ADAMTSL1: variants seen among roughly 807,000 people sequenced by gnomAD.
ADAMTSL1 encodes ADAMTS-like protein 1.
Under a neutral mutation model 201.8 loss-of-function variants are expected in ADAMTSL1, and 126 were observed. The observed-to-expected ratio is 0.62, with a 90% CI of 0.54 to 0.72. The LOEUF (loss-of-function observed/expected upper bound fraction) is 0.72. Among genes scored for constraint, ADAMTSL1 ranks in the 30% least tolerant of loss-of-function variants. The pLI, the probability that ADAMTSL1 is intolerant of heterozygous loss-of-function variation, is 0.00. For missense variants in ADAMTSL1, 2,679 were observed against 2,277.8 expected (o/e 1.18, Z -3.59); for synonymous variants, 1,121 against 903.4 (o/e 1.24, Z -4.32).
At chr9:18,424,301 G>C (rs536534588) in intron 2 of ADAMTSL1, among the ~76,000 whole-genome samples, 31 of 152,296 alleles carry the variant, frequency 2.0e-4, no homozygotes, top group African/African-American at 7.5e-4. Flanking sequence ...TGCTGTAAGA[G>C]AAGTTGTGCA....
At chr9:18,840,179 T>G (rs1340914115) in intron 23 of ADAMTSL1, among the ~76,000 whole-genome samples, 6 of 151,524 alleles carry the variant, frequency 4.0e-5, no homozygotes, top group East Asian at 3.9e-4. Flanking sequence ...GTCTAACGTT[T>G]AAGTCTTTAA....
rs569614350 is a variant in ADAMTSL1, at chr9:18,080,530, G to A, written c.88-83332G>A. 5.3e-5 allele frequency among the ~76,000 whole-genome samples: 8 copies of A among 152,262 alleles called. No individual in the cohort carries two copies. In the South Asian group the frequency reaches 1.2e-3, roughly 24 times the overall value. On this transcript the variant is annotated intron_variant, in intron 1 of 29. Coordinates refer to the ADAMTSL1 transcript ENST00000680146. ...AGCAGCCAGGAAACCAGATTATTAC[G>A]TATTATGTTGTCTCTACAAAAAACT...
chr9:18,603,126 C>G (rs1824767946), intron 4 of ADAMTSL1, among the ~76,000 whole-genome samples: 1 of 152,124 alleles, frequency 6.6e-6, no homozygotes. Context: ...TTGTTGTAAT[C>G]ATTAATAGTA....
intron 22 of ADAMTSL1, 123 bp downstream of exon 22, chr9:18,826,586 C>G: frequency 8.6e-7 from 1 of 1,167,382 alleles, no homozygotes; most frequent in East Asian, 2.6e-5. Context: ...GATATCCCTT[C>G]ACTTCTTCCC....
intron 2 of ADAMTSL1, among the ~76,000 whole-genome samples, chr9:18,323,115 G>A (rs991451948): frequency 6.6e-6 from 1 of 152,080 alleles, no homozygotes; most frequent in African/African-American, 2.4e-5. Context: ...ACTGTATCTC[G>A]TAAATGTTTG....
At chr9:18,375,869 G>C (rs1837271041) in intron 2 of ADAMTSL1, among the ~76,000 whole-genome samples, 1 of 152,192 alleles carries the variant, frequency 6.6e-6, no homozygotes, top group African/African-American at 2.4e-5. Context: ...CTGCTGATTG[G>C]TCCATTTTAC....
intron 2 of ADAMTSL1, among the ~76,000 whole-genome samples, chr9:18,301,063 A>T (rs1039910521): frequency 6.6e-6 from 1 of 152,362 alleles, no homozygotes; most frequent in Admixed American, 6.5e-5. Flanking sequence ...AATACTATTT[A>T]TATAGCCATA....
chr9:18,046,145 A>C (rs1821648859), intron 1 of ADAMTSL1, among the ~76,000 whole-genome samples: 1 of 152,194 alleles, frequency 6.6e-6, no homozygotes, highest in African/African-American at 2.4e-5. Flanking sequence ...CTAAATTGTG[A>C]GAGGCATATA....
intron 5 of ADAMTSL1, among the ~76,000 whole-genome samples, chr9:18,623,147 C>T (rs780467348): frequency 3.9e-5 from 6 of 152,008 alleles, no homozygotes; most frequent in Non-Finnish European, 7.4e-5. Context: ...CCACCCGCCT[C>T]AGCCCCCCAA....
intron 1 of ADAMTSL1, among the ~76,000 whole-genome samples, chr9:17,935,678 C>G (rs571672694): frequency 6.6e-6 from 1 of 152,200 alleles, no homozygotes; most frequent in Non-Finnish European, 1.5e-5. Context: ...CTCTCACACC[C>G]CTTGCCTGAT....
At chr9:17,982,945 G>GA (rs1818770509) in intron 1 of ADAMTSL1, among the ~76,000 whole-genome samples, 3 of 149,300 alleles carry the variant, frequency 2.0e-5, no homozygotes, top group African/African-American at 4.9e-5. Context: ...TGAACAGCTT[G>GA]GAAAAAAAAA....
intron 1 of ADAMTSL1, among the ~76,000 whole-genome samples, chr9:17,968,490 C>G (rs912756450): frequency 2.0e-5 from 3 of 152,084 alleles, no homozygotes; most frequent in African/African-American, 7.2e-5. Flanking sequence ...GAAATTATAA[C>G]CCCACTATTC....
At chr9:18,398,300 A>G (rs1278562689) in intron 2 of ADAMTSL1, among the ~76,000 whole-genome samples, 1 of 152,182 alleles carries the variant, frequency 6.6e-6, no homozygotes, top group East Asian at 1.9e-4. Flanking sequence ...AAATAGAAGT[A>G]TGAGGTCATA....
chr9:18,504,977 G>T, intron 2 of ADAMTSL1, 21 bp downstream of exon 2: 1 of 1,591,078 alleles, frequency 6.3e-7, no homozygotes, highest in Non-Finnish European at 8.5e-7. Context: ...CACCCGTTGG[G>T]GGTCTTTGTG....
intron 26 of ADAMTSL1, among the ~76,000 whole-genome samples, chr9:18,904,161 T>C (rs1439353143): frequency 1.3e-5 from 2 of 152,100 alleles, no homozygotes; most frequent in East Asian, 3.9e-4. Context: ...ATGCACACTG[T>C]ACTGCACAAT....
chr9:18,224,686 G>C (rs1830381285), intron 2 of ADAMTSL1, among the ~76,000 whole-genome samples: 1 of 152,072 alleles, frequency 6.6e-6, no homozygotes, highest in Non-Finnish European at 1.5e-5. Context: ...TAGGCCACAG[G>C]TAGCCATTCC....
chr9:18,725,422 C>A (rs580568), intron 15 of ADAMTSL1, among the ~76,000 whole-genome samples: 123,827 of 152,128 alleles, frequency 0.81, 50,647 homozygotes, highest in Admixed American at 0.88. Context: ...TAACCATAAG[C>A]AGTTAGGACC....
intron 1 of ADAMTSL1, among the ~76,000 whole-genome samples, chr9:18,118,380 C>T (rs1414155654): frequency 6.6e-6 from 1 of 152,156 alleles, no homozygotes; most frequent in Non-Finnish European, 1.5e-5. Context: ...TTGAAGCTAC[C>T]AGTATCCAAG....
chr9:18,846,879 C>A (rs1293468041), intron 23 of ADAMTSL1, among the ~76,000 whole-genome samples: 1 of 152,142 alleles, frequency 6.6e-6, no homozygotes, highest in Admixed American at 6.5e-5. Context: ...TCAAAGACAT[C>A]AGATTTGGGG....
Sources: gnomAD v4.1 joint callset for allele counts (sites outside exome capture counted in the v4.1 genomes callset) on GRCh38, gnomAD v4.1.1 for gene constraint, MANE v1.5 for transcripts, NCBI Gene and HGNC (gene_info 2026-07-23, HGNC 2026-07-21) for gene names.